EHF: variants seen among roughly 807,000 people sequenced by gnomAD.
EHF encodes the protein ESE3 transcription factor.
A neutral mutation model predicts 45.1 loss-of-function variants in EHF; 14 were observed. That is an observed-to-expected ratio of 0.31 (90% confidence interval 0.21 to 0.49). The LOEUF (loss-of-function observed/expected upper bound fraction) is 0.49, where lower values mean the gene tolerates loss of function less well. Ranked by LOEUF, EHF falls within the 20% of genes least tolerant of loss-of-function variation. The probability of loss-of-function intolerance (pLI) is 0.99; values close to 1 mark genes in which losing one functional copy is unlikely to be tolerated. For missense variants in EHF, 282 were observed against 371.4 expected (o/e 0.76, Z 1.98); for synonymous variants, 136 against 131.8 (o/e 1.03, Z -0.22).
At chr11:34,622,424 T>C (rs897045904) in intron 1 of EHF, 4 of 1,283,532 alleles carry the variant, frequency 3.1e-6, no homozygotes, top group Non-Finnish European at 4.1e-6. Flanking sequence ...GAGGTAAAGA[T>C]GTGTTGATAG....
chr11:34,662,923 T>A lies in EHF; in HGVS notation c.*3992T>A, dbSNP rs1288716336. ...CTGAATTATCCTCAGTGTAGCTTCT[T>A]GGAATTCAGTTTCTGGAACTAGAGA... On this transcript the variant is annotated 3_prime_UTR_variant, in exon 9 of 9. Coordinates refer to ENST00000257831, the MANE Select transcript of EHF (RefSeq NM_012153.6). Among the ~76,000 whole-genome samples the A allele has an allele frequency of 6.6e-6, 1 of 152,124 alleles. No individual in the cohort carries two copies. The highest frequency in any genetic ancestry group is 1.5e-5 in the Non-Finnish European group (1 of 68,008).
At chr11:34,641,813 T>A (rs1408558228) in intron 1 of EHF, among the ~76,000 whole-genome samples, 1 of 152,124 alleles carries the variant, frequency 6.6e-6, no homozygotes, top group Non-Finnish European at 1.5e-5. Flanking sequence ...TGCATTGTTA[T>A]AAAATAAACC....
intron 2 of EHF, 132 bp from the exon 3 acceptor site, chr11:34,646,307 A>C: frequency 7.1e-7 from 1 of 1,407,766 alleles, no homozygotes; most frequent in Non-Finnish European, 9.7e-7. Context: ...CTGCTCCATC[A>C]CCCATGCTGG....
chr11:34,626,045 C>A (rs545506938), intron 1 of EHF, among the ~76,000 whole-genome samples: 1 of 152,182 alleles, frequency 6.6e-6, no homozygotes, highest in South Asian at 2.1e-4. Flanking sequence ...AACAGACCAC[C>A]TCATTAACCC....
At chr11:34,647,485 T>G (rs1472354080) in intron 3 of EHF, among the ~76,000 whole-genome samples, 2 of 152,234 alleles carry the variant, frequency 1.3e-5, no homozygotes, top group Non-Finnish European at 2.9e-5. Flanking sequence ...GTTTTGACAC[T>G]GGCATAAGGT....
intron 4 of EHF, among the ~76,000 whole-genome samples, chr11:34,651,113 C>T (rs1177213051): frequency 6.7e-6 from 1 of 150,360 alleles, no homozygotes; most frequent in Non-Finnish European, 1.5e-5. Context: ...CCCCCCAAGG[C>T]CTCATTAATT....
intron 1 of EHF, among the ~76,000 whole-genome samples, chr11:34,637,066 T>C (rs1381494494): frequency 2.0e-5 from 3 of 147,330 alleles, no homozygotes; most frequent in Non-Finnish European, 3.0e-5. Context: ...GCGGCACTAC[T>C]AGGCTGCTTT....
intron 3 of EHF, among the ~76,000 whole-genome samples, chr11:34,648,660 C>G (rs1359584542): frequency 6.6e-6 from 1 of 152,098 alleles, no homozygotes; most frequent in African/African-American, 2.4e-5. Flanking sequence ...CTAGTTTAAT[C>G]TTGTTACAGA....
chr11:34,662,796 GC>G lies in EHF; in HGVS notation c.*3866del, dbSNP rs1426976158. ...CGGCATGGGCCCATATGTGTGAGGA[GC>G]TTGTCTAATTATGTAGGAAGCAATA... On this transcript the variant is annotated 3_prime_UTR_variant, in exon 9 of 9. Coordinates refer to ENST00000257831, the MANE Select transcript of EHF (RefSeq NM_012153.6). Among the ~76,000 whole-genome samples, 2 of 152,118 alleles carry G rather than the reference GC, an allele frequency of 1.3e-5. No individual in the cohort carries two copies. Among genetic ancestry groups the G allele is most frequent in the African/African-American group, 4.8e-5 (2 of 41,436 alleles).
chr11:34,657,862 C>T (rs1855810267), intron 7 of EHF, among the ~76,000 whole-genome samples: 1 of 150,616 alleles, frequency 6.6e-6, no homozygotes, highest in Non-Finnish European at 1.5e-5. Flanking sequence ...TCACATAATC[C>T]CACAAAACCA....
At position 34,658,938 on chromosome 11, in the gene EHF, C is replaced by T. The variant is rs1855909985; in HGVS notation, c.*7C>T. ...GAGAGAAAATGAAAACTGAAGCTGCCAATACTTTGGACACAAACCAAAACA... is the reference window on the plus strand; with the variant it reads ...GAGAGAAAATGAAAACTGAAGCTGCTAATACTTTGGACACAAACCAAAACA... On this transcript the variant is annotated 3_prime_UTR_variant, in exon 9 of 9. Coordinates refer to ENST00000257831, the MANE Select transcript of EHF (RefSeq NM_012153.6). 1.2e-6 allele frequency: 2 copies of T among 1,606,144 alleles called. No homozygotes were observed. The highest frequency in any genetic ancestry group is 1.3e-5 in the African/African-American group (1 of 74,366).
Position 34,662,427 on chromosome 11 carries a change from G to A in EHF, c.*3496G>A, listed in dbSNP as rs1447874167. ...GGATGAGGATTCTGTTGCCTTATTG[G>A]GAACTGTGAGACTTATCTGGTATGA... On this transcript the variant is annotated 3_prime_UTR_variant, in exon 9 of 9. Coordinates refer to ENST00000257831, the MANE Select transcript of EHF (RefSeq NM_012153.6). Among the ~76,000 whole-genome samples the A allele has an allele frequency of 2.0e-5, 3 of 151,930 alleles. No individual in the cohort carries two copies. The highest frequency in any genetic ancestry group is 2.1e-4 in the South Asian group (1 of 4,822).
chr11:34,648,920 G>A, intron 3 of EHF, 99 bp from the exon 4 acceptor site: 5 of 1,146,578 alleles, frequency 4.4e-6, no homozygotes, highest in Non-Finnish European at 6.4e-6. Flanking sequence ...GCAGTAGGAT[G>A]GCAGAAGCTC....
rs577075841 is a variant in EHF, at chr11:34,660,077, T to C, written c.*1146T>C. The C allele has an allele frequency of 2.8e-4, 43 of 152,258 alleles. No individual in the cohort carries two copies. The highest frequency in any genetic ancestry group is 1.0e-3 in the African/African-American group (43 of 41,564). The allele number at this position is 152,258 out of a possible 1,614,324, so 9.4% of individuals were successfully genotyped here. On this transcript the variant is annotated 3_prime_UTR_variant, in exon 9 of 9. Coordinates refer to ENST00000257831, the MANE Select transcript of EHF (RefSeq NM_012153.6). ...AGATATGTAAGGTCTTTTAGCTCCTTAGAGTGAAGCAAAAGCAAGACTTCA... is the reference window on the plus strand; with the variant it reads ...AGATATGTAAGGTCTTTTAGCTCCTCAGAGTGAAGCAAAAGCAAGACTTCA...
intron 7 of EHF, among the ~76,000 whole-genome samples, chr11:34,657,694 G>A (rs1855794382): frequency 6.6e-6 from 1 of 151,986 alleles, no homozygotes; most frequent in African/African-American, 2.4e-5. Flanking sequence ...GGAGACTGAG[G>A]CAGGAGGATT....
chr11:34,649,192 G>A (rs761685993), intron 4 of EHF, 111 bp downstream of exon 4: 60 of 1,141,974 alleles, frequency 5.3e-5, no homozygotes, highest in Non-Finnish European at 7.4e-5. Flanking sequence ...GAAACACAGG[G>A]AGGCCTTTTC....
intron 1 of EHF, among the ~76,000 whole-genome samples, chr11:34,621,433 TATC>T (rs1851985159): frequency 6.7e-6 from 1 of 150,330 alleles, no homozygotes; most frequent in Non-Finnish European, 1.5e-5. Context: ...CTTTGGATAT[TATC>T]TGTGAATTTC....
Position 34,659,067 on chromosome 11 carries a change from A to G in EHF, c.*136A>G. On this transcript the variant is annotated 3_prime_UTR_variant, in exon 9 of 9. Transcript: ENST00000257831. ...TGAGGGGAACAAGAAACTACTTCTA[A>G]CGGGAAGAAGAAACACTACGGTCGA... The G allele has an allele frequency of 3.1e-6, 2 of 650,802 alleles. No homozygotes were observed. The highest frequency in any genetic ancestry group is 5.1e-6 in the Non-Finnish European group (2 of 392,892). The allele number at this position is 650,802 out of a possible 1,614,324, so 40.3% of individuals were successfully genotyped here.
chr11:34,651,688 G>T (rs1161683259), intron 5 of EHF, 49 bp from the exon 6 acceptor site: 2 of 1,610,640 alleles, frequency 1.2e-6, no homozygotes, highest in Non-Finnish European at 1.7e-6. Flanking sequence ...CTATTGTGAG[G>T]TGGGGGGAGG....
Sources: allele counts gnomAD v4.1 joint callset (sites outside exome capture counted in the v4.1 genomes callset), GRCh38; gene constraint gnomAD v4.1.1; transcripts MANE v1.5; gene names NCBI Gene and HGNC (gene_info 2026-07-23, HGNC 2026-07-21).